The following SSBP3 variants were observed in gnomAD, a reference collection of about 807,000 sequenced individuals.
SSBP3 encodes the protein single-stranded DNA-binding protein 3.
Under a neutral mutation model 69.6 loss-of-function variants are expected in SSBP3, and 5 were observed. The observed-to-expected ratio is 0.07, with a 90% CI of 0.04 to 0.15. The LOEUF (loss-of-function observed/expected upper bound fraction) is 0.15. Among genes scored for constraint, SSBP3 ranks in the 10% least tolerant of loss-of-function variants. The pLI is 1.00. For synonymous variants in SSBP3, 196 were observed against 193.4 expected (o/e 1.01, Z -0.11); for missense variants, 312 against 534.0 (o/e 0.58, Z 4.10).
chr1:54,391,032 A>C (rs541080333), intron 4 of SSBP3, among the ~76,000 whole-genome samples: 10 of 152,358 alleles, frequency 6.6e-5, no homozygotes, highest in African/African-American at 1.9e-4. Context: ...GAAAGCTGCA[A>C]AATTCCTAAA....
At chr1:54,276,612 A>C (rs1371293127) in intron 5 of SSBP3, among the ~76,000 whole-genome samples, 6 of 116,920 alleles carry the variant, frequency 5.1e-5, no homozygotes, top group South Asian at 7.1e-4. Context: ...CTGTCTCAAA[A>C]AAAAAAAAAA....
rs765521286 is a variant in SSBP3, at chr1:54,228,415, G to A, written c.1035+34C>T. 2.5e-6 allele frequency: 4 copies of A among 1,614,062 alleles called. No homozygotes were observed. In the African/African-American group the frequency reaches 4.0e-5, roughly 16 times the overall value. The stretch of plus-strand genomic sequence containing the variant: ...TCCCCAACAACCTGCCCACACAGAT[G>A]GGGCGCCGCCAGGGAGACCGAGTGC... On this transcript the variant is annotated intron_variant, in intron 16 of 17. Coordinates refer to ENST00000610401, the Ensembl canonical transcript of SSBP3.
intron 4 of SSBP3, among the ~76,000 whole-genome samples, chr1:54,331,776 G>T (rs1311868731): frequency 6.6e-6 from 1 of 152,216 alleles, no homozygotes; most frequent in African/African-American, 2.4e-5. Flanking sequence ...TGGCAGAGAA[G>T]CAACAAGGAG....
At chr1:54,228,924 G>C in intron 14 of SSBP3, 98 bp from the exon 15 acceptor site, 1 of 1,274,746 alleles carries the variant, frequency 7.8e-7, no homozygotes, top group Non-Finnish European at 1.1e-6. Context: ...CCTGGCCCTG[G>C]GGAACCCCTG....
chr1:54,315,540 T>C (rs1007521248), intron 4 of SSBP3, among the ~76,000 whole-genome samples: 2 of 151,910 alleles, frequency 1.3e-5, no homozygotes, highest in African/African-American at 4.8e-5. Flanking sequence ...AAAATGCAGT[T>C]AGAGTACCCA....
chr1:54,255,336 A>G (rs1644902534), intron 7 of SSBP3, among the ~76,000 whole-genome samples: 1 of 152,172 alleles, frequency 6.6e-6, no homozygotes, highest in African/African-American at 2.4e-5. Context: ...CACAATTATG[A>G]TAAGGAAGTA....
intron 7 of SSBP3, among the ~76,000 whole-genome samples, chr1:54,255,167 G>GA (rs1203581168): frequency 1.4e-5 from 2 of 140,656 alleles, no homozygotes; most frequent in Admixed American, 1.4e-4. Flanking sequence ...GCGGGGGGGG[G>GA]GGTGGTTGGC....
chr1:54,271,190 A>T lies in SSBP3; in HGVS notation c.366+10248T>A, dbSNP rs373299377. On this transcript the variant is annotated intron_variant, in intron 5 of 17. Coordinates refer to ENST00000610401, the Ensembl canonical transcript of SSBP3. ...CAGTGGTGTGATCGAGGCTCACTGC[A>T]GTATCAATCTCCAGGGCTCAAGCCA... Among the ~76,000 whole-genome samples the T allele has an allele frequency of 7.9e-5, 12 of 152,272 alleles. No homozygotes were observed. The East Asian group carries it at 2.3e-3, about 29-fold the overall frequency.
At chr1:54,268,105 C>T (rs1645132443) in intron 5 of SSBP3, among the ~76,000 whole-genome samples, 1 of 152,202 alleles carries the variant, frequency 6.6e-6, no homozygotes, top group African/African-American at 2.4e-5. Flanking sequence ...CAGCACCCCT[C>T]TCTCTCCCTG....
At chr1:54,317,063 G>A (rs1646127674) in intron 4 of SSBP3, among the ~76,000 whole-genome samples, 1 of 152,146 alleles carries the variant, frequency 6.6e-6, no homozygotes, top group Non-Finnish European at 1.5e-5. Flanking sequence ...ATTTTGGGGA[G>A]ACTCAGTATT....
chr1:54,284,103 CTTTTTTTTTTT>C (rs5774181), intron 4 of SSBP3, among the ~76,000 whole-genome samples: 10 of 87,572 alleles, frequency 1.1e-4, no homozygotes, highest in African/African-American at 5.1e-4. Flanking sequence ...TATTTAACCA[CTTTTTTTTTTT>C]TTTTTTTTTT....
chr1:54,371,646 G>A (rs1647136561), intron 4 of SSBP3, among the ~76,000 whole-genome samples: 1 of 152,194 alleles, frequency 6.6e-6, no homozygotes, highest in South Asian at 2.1e-4. Flanking sequence ...AGGACCATCA[G>A]TTAACAATCA....
chr1:54,272,427 G>T (rs1226629593), intron 5 of SSBP3, among the ~76,000 whole-genome samples: 1 of 151,374 alleles, frequency 6.6e-6, no homozygotes, highest in Non-Finnish European at 1.5e-5. Flanking sequence ...ACAGGATTCT[G>T]CTGGAATTCT....
At chr1:54,380,866 A>G (rs1208050734) in intron 4 of SSBP3, among the ~76,000 whole-genome samples, 6 of 152,068 alleles carry the variant, frequency 3.9e-5, no homozygotes. Context: ...CACACCTGTA[A>G]TCCTAGCACT....
chr1:54,303,363 G>A (rs879726130), intron 4 of SSBP3, among the ~76,000 whole-genome samples: 1 of 144,728 alleles, frequency 6.9e-6, no homozygotes, highest in Non-Finnish European at 1.5e-5. Context: ...TATCAACCCC[G>A]CCTAGACAGT....
chr1:54,405,666 C>T (rs1385505335), intron 1 of SSBP3, among the ~76,000 whole-genome samples: 35 of 152,008 alleles, frequency 2.3e-4, no homozygotes, highest in African/African-American at 8.2e-4. Flanking sequence ...CCACCACTCA[C>T]CGCGGGCCCC....
intron 12 of SSBP3, 45 bp downstream of exon 12, chr1:54,241,429 G>A: frequency 6.2e-7 from 1 of 1,607,992 alleles, no homozygotes; most frequent in South Asian, 1.1e-5. Context: ...TGCACACTCA[G>A]TCCCACGTGG....
intron 4 of SSBP3, among the ~76,000 whole-genome samples, chr1:54,311,230 C>G (rs1347680632): frequency 6.6e-6 from 1 of 152,164 alleles, no homozygotes; most frequent in East Asian, 1.9e-4. Context: ...AAATCCACCA[C>G]CAGTGAAGAC....
In SSBP3 at chr1:54,265,802, G is replaced by A. The variant is rs555189683; in HGVS notation, c.367-7653C>T. The stretch of plus-strand genomic sequence containing the variant: ...AAATGGTTCATTGATTTCCGTGTGA[G>A]CAAAGGCCCCAGCCGACCTCCCTTC... On this transcript the variant is annotated intron_variant, in intron 5 of 17. Transcript: ENST00000610401. 7.9e-5 allele frequency among the ~76,000 whole-genome samples: 12 copies of A among 152,344 alleles called. No individual in the cohort carries two copies. In the East Asian group the frequency reaches 2.3e-3, roughly 29 times the overall value.
Sources: gnomAD v4.1 joint callset for allele counts (sites outside exome capture counted in the v4.1 genomes callset) on GRCh38, gnomAD v4.1.1 for gene constraint, MANE v1.5 for transcripts, NCBI Gene and HGNC (gene_info 2026-07-23, HGNC 2026-07-21) for gene names.